SP1: variants seen among roughly 807,000 people sequenced by gnomAD.
SP1 encodes transcription factor Sp1.
SP1 carries 6 observed loss-of-function variants against 66.3 expected under a neutral mutation model. The ratio of observed to expected loss-of-function variants is 0.09; its 90% CI spans 0.05 to 0.18. The LOEUF is 0.18. SP1 is among the 10% of genes least tolerant of loss of function. The pLI is 1.00. For missense variants in SP1, 848 were observed against 964.5 expected (o/e 0.88, Z 1.60); for synonymous variants, 417 against 360.8 (o/e 1.16, Z -1.77).
chr12:53,380,311 C>G lies in SP1; in HGVS notation c.7+13C>G, dbSNP rs757555953. 1.1e-5 allele frequency: 17 copies of G among 1,518,086 alleles called. No individual in the cohort carries two copies. Among genetic ancestry groups the G allele is most frequent in the Non-Finnish European group, 1.5e-5 (17 of 1,124,370 alleles). The allele number at this position is 1,518,086 out of a possible 1,614,324, so 94.0% of individuals were successfully genotyped here. A position where few individuals can be genotyped will look rare whatever the true frequency, so the allele number is the denominator to read the frequency against. ...GCCACCATGAGCGGTAAGGATGAGT[C>G]CACTCCAAGCTTAGGGGTGGGAGGC... On this transcript the variant is annotated intron_variant, in intron 1 of 5. Transcript: ENST00000327443.
intron 3 of SP1, among the ~76,000 whole-genome samples, chr12:53,390,444 AGGCCAAGGCGGGT>A (rs1245649217): frequency 1.3e-5 from 2 of 152,116 alleles, no homozygotes. Context: ...GCACTTTGGG[AGGCCAAGGCGGGT>A]GGACTGCCTG....
intron 3 of SP1, among the ~76,000 whole-genome samples, chr12:53,383,918 A>G (rs553034225): frequency 4.6e-5 from 7 of 152,084 alleles, no homozygotes; most frequent in Admixed American, 2.6e-4. Flanking sequence ...AAAGGGCCAG[A>G]TAGTAACGTA....
intron 5 of SP1, among the ~76,000 whole-genome samples, chr12:53,410,237 G>A (rs1181911516): frequency 2.0e-5 from 3 of 151,540 alleles, no homozygotes; most frequent in Admixed American, 6.6e-5. Flanking sequence ...CCTTGGAGGC[G>A]GAGGTTACAG....
rs1206557922 is a variant in SP1, at chr12:53,395,927, C to G, written c.1676-10658C>G. ...ACAAGGTCAGGAGTTTGAGACCAGCCTGGCCAACATAGTGAAACTCCATCT... is the reference window on the plus strand; with the variant it reads ...ACAAGGTCAGGAGTTTGAGACCAGCGTGGCCAACATAGTGAAACTCCATCT... On this transcript the variant is annotated intron_variant, in intron 3 of 5. Transcript: ENST00000327443. Among the ~76,000 whole-genome samples the G allele has an allele frequency of 2.6e-5, 4 of 152,118 alleles. No homozygotes were observed. In the East Asian group the frequency reaches 5.8e-4, roughly 22 times the overall value.
Position 53,412,268 on chromosome 12 carries a change from A to G in SP1, c.*1028A>G, listed in dbSNP as rs749622609. The G allele has an allele frequency of 6.6e-6, 1 of 152,620 alleles. No individual in the cohort carries two copies. The highest frequency in any genetic ancestry group is 1.5e-5 in the Non-Finnish European group (1 of 68,036). 9.5% of individuals were successfully genotyped at this position (152,620 alleles called of 1,614,324 possible). On this transcript the variant is annotated 3_prime_UTR_variant, in exon 6 of 6. Coordinates refer to ENST00000327443, the MANE Select transcript of SP1 (RefSeq NM_138473.3). Reference sequence around the variant, plus strand: ...AGATAATAATCTTGGCTCAGTTTGTATAAACTGTCAAATTTTCAAATAATA... The same window carrying G: ...AGATAATAATCTTGGCTCAGTTTGTGTAAACTGTCAAATTTTCAAATAATA...
intron 4 of SP1, among the ~76,000 whole-genome samples, chr12:53,407,551 C>T (rs993305352): frequency 1.3e-5 from 2 of 151,898 alleles, no homozygotes; most frequent in African/African-American, 2.4e-5. Context: ...GTCTTCATCT[C>T]CTGACTGTGT....
Position 53,411,174 on chromosome 12 carries a change from C to T in SP1, c.2292C>T (p.Asn764=). The T allele has an allele frequency of 6.2e-7, 1 of 1,614,060 alleles. No homozygotes were observed. Among genetic ancestry groups the T allele is most frequent in the Non-Finnish European group, 8.5e-7 (1 of 1,180,030 alleles). ...CAGAGGGCATTGCCCGTCTTGCCAACAGTGGCATCAACGTCATGCAGGTGG... is the reference window on the plus strand; with the variant it reads ...CAGAGGGCATTGCCCGTCTTGCCAATAGTGGCATCAACGTCATGCAGGTGG... The part of the protein sequence containing the change: ...ICPEGIARLA[N]SGINVMQVAD... The change falls in exon 6 of 6, where the codon AAC becomes AAT. Residue 764 remains asparagine (N), a synonymous_variant. Coordinates refer to ENST00000327443, the MANE Select transcript of SP1 (RefSeq NM_138473.3).
intron 3 of SP1, among the ~76,000 whole-genome samples, chr12:53,391,346 C>CTTTTTTTTTTTTT (rs71068117): frequency 1.0e-5 from 1 of 97,460 alleles, no homozygotes. Context: ...TAAGTAATGT[C>CTTTTTTTTTTTTT]TTTTTTTTTT....
chr12:53,383,975 T>A (rs1462189853), intron 3 of SP1, among the ~76,000 whole-genome samples: 1 of 147,708 alleles, frequency 6.8e-6, no homozygotes, highest in African/African-American at 2.5e-5. Flanking sequence ...TTTCTTTTCT[T>A]TTTTTTTTTT....
rs761433221 is a variant in SP1 at position 53,411,247 on chromosome 12, G to A, written c.*7G>A. On this transcript the variant is annotated 3_prime_UTR_variant, in exon 6 of 6. Coordinates refer to ENST00000327443, the MANE Select transcript of SP1 (RefSeq NM_138473.3). ...CAGTGGCAATGGCTTCTGAGATCAGGCACCCGGGGCCAGAGACATATGGGC... is the reference window on the plus strand; with the variant it reads ...CAGTGGCAATGGCTTCTGAGATCAGACACCCGGGGCCAGAGACATATGGGC... 4 of 1,604,392 alleles carry A rather than the reference G, an allele frequency of 2.5e-6. No homozygotes were observed. The highest frequency in any genetic ancestry group is 1.7e-5 in the Admixed American group (1 of 59,676).
In SP1 at chr12:53,382,593, A is replaced by G; in HGVS notation, c.646A>G (p.Thr216Ala). The change falls in exon 3 of 6, where the codon ACA becomes GCA. Residue 216 changes from threonine (T) to alanine (A), a missense_variant. Thr to Ala is a moderately conservative substitution (Grantham distance 58, BLOSUM62 0). Coordinates refer to ENST00000327443, the MANE Select transcript of SP1 (RefSeq NM_138473.3). ...IIPGANQQII[T>A]NRGSGGNIIA... ...ACCAGGTGCAAACCAACAGATTATCACAAATCGAGGAAGTGGAGGCAACAT... is the reference window on the plus strand; with the variant it reads ...ACCAGGTGCAAACCAACAGATTATCGCAAATCGAGGAAGTGGAGGCAACAT... The G allele has an allele frequency of 6.2e-7, 1 of 1,614,164 alleles. No homozygotes were observed. Among genetic ancestry groups the G allele is most frequent in the Non-Finnish European group, 8.5e-7 (1 of 1,180,038 alleles).
intron 5 of SP1, among the ~76,000 whole-genome samples, chr12:53,410,392 G>A (rs1299777307): frequency 6.6e-6 from 1 of 152,134 alleles, no homozygotes; most frequent in Non-Finnish European, 1.5e-5. Context: ...CTTAGTCTCT[G>A]CCCTGCCTTA....
chr12:53,411,299 G>A lies in SP1; in HGVS notation c.*59G>A. The A allele has an allele frequency of 7.3e-7, 1 of 1,371,804 alleles. No homozygotes were observed. The highest frequency in any genetic ancestry group is 1.3e-5 in the South Asian group (1 of 76,904). The allele number at this position is 1,371,804 out of a possible 1,614,324, so 85.0% of individuals were successfully genotyped here. On this transcript the variant is annotated 3_prime_UTR_variant, in exon 6 of 6. Transcript: ENST00000327443. ...ATACCCCTTAACCCCGGGATGCAAG[G>A]TAGCATGGGTCCAAGAGACATGGAA...
intron 4 of SP1, among the ~76,000 whole-genome samples, chr12:53,408,639 G>T (rs1938807130): frequency 6.6e-6 from 1 of 150,956 alleles, no homozygotes. Flanking sequence ...GGGTGCGGTG[G>T]CTCACGCCTG....
At chr12:53,400,394 T>C (rs539009055) in intron 3 of SP1, among the ~76,000 whole-genome samples, 1 of 152,328 alleles carries the variant, frequency 6.6e-6, no homozygotes, top group South Asian at 2.1e-4. Context: ...TATACCACAT[T>C]TTGTTTATTC....
intron 3 of SP1, among the ~76,000 whole-genome samples, chr12:53,384,505 G>A (rs986446518): frequency 2.6e-5 from 4 of 151,138 alleles, no homozygotes; most frequent in South Asian, 4.2e-4. Flanking sequence ...GGCTGGTCTC[G>A]AACTCCTGAC....
rs1938052115 is a variant in SP1 at position 53,380,309 on chromosome 12, G to C, written c.7+11G>C. 15 of 1,587,954 alleles carry C rather than the reference G, an allele frequency of 9.4e-6. No homozygotes were observed. The highest frequency in any genetic ancestry group is 1.4e-5 in the African/African-American group (1 of 72,810). On this transcript the variant is annotated intron_variant, in intron 1 of 5. Coordinates refer to ENST00000327443, the MANE Select transcript of SP1 (RefSeq NM_138473.3). ...CTGCCACCATGAGCGGTAAGGATGA[G>C]TCCACTCCAAGCTTAGGGGTGGGAG...
intron 5 of SP1, among the ~76,000 whole-genome samples, chr12:53,410,585 A>G (rs1938862063): frequency 6.6e-6 from 1 of 151,704 alleles, no homozygotes; most frequent in Non-Finnish European, 1.5e-5. Context: ...GCTCACTGCA[A>G]GCTCCGCCTC....
chr12:53,388,378 A>G (rs1303508076), intron 3 of SP1, among the ~76,000 whole-genome samples: 1 of 152,140 alleles, frequency 6.6e-6, no homozygotes, highest in Non-Finnish European at 1.5e-5. Flanking sequence ...TATGTCATAG[A>G]CTAGGGCTAC....
Sources: gnomAD v4.1 joint callset for allele counts (sites outside exome capture counted in the v4.1 genomes callset) on GRCh38, gnomAD v4.1.1 for gene constraint, MANE v1.5 for transcripts, NCBI Gene and HGNC (gene_info 2026-07-23, HGNC 2026-07-21) for gene names.